The following BBS2 variants were observed in gnomAD, a reference collection of about 807,000 sequenced individuals.
The protein encoded by BBS2 is Bardet-Biedl syndrome 2, also known as BBSome complex member BBS2.
A neutral mutation model predicts 83.0 loss-of-function variants in BBS2; 62 were observed. The observed-to-expected ratio is 0.75, with a 90% CI of 0.61 to 0.92. BBS2 has a LOEUF of 0.92. Ranked by LOEUF, BBS2 falls within the 40% of genes least tolerant of loss-of-function variation. The pLI is 0.00. For missense variants in BBS2, 784 were observed against 901.0 expected (o/e 0.87, Z 1.66); for synonymous variants, 303 against 326.1 (o/e 0.93, Z 0.76).
intron 14 of BBS2, 62 bp downstream of exon 14, chr16:56,497,681 A>T: frequency 6.3e-7 from 1 of 1,593,966 alleles, no homozygotes; most frequent in Non-Finnish European, 8.6e-7. Flanking sequence ...TAGTACCATT[A>T]ATCTCCTCAA....
chr16:56,513,550 C>A (rs1453206518), intron 2 of BBS2, among the ~76,000 whole-genome samples: 1 of 152,198 alleles, frequency 6.6e-6, no homozygotes, highest in African/African-American at 2.4e-5. Flanking sequence ...CAACATGGAT[C>A]AACCTTGAAA....
intron 1 of BBS2, among the ~76,000 whole-genome samples, chr16:56,519,343 A>C (rs1386653318): frequency 2.6e-5 from 4 of 151,690 alleles, no homozygotes; most frequent in African/African-American, 9.7e-5. Flanking sequence ...AAAAAAAAAA[A>C]AAAAAAGGAA....
At chr16:56,501,543 A>T in intron 9 of BBS2, 46 bp from the exon 10 acceptor site, 1 of 1,613,130 alleles carries the variant, frequency 6.2e-7, no homozygotes, top group Non-Finnish European at 8.5e-7. Flanking sequence ...CAAAACACTG[A>T]ACTAATATCA....
chr16:56,499,982 A>G (rs776615653), intron 11 of BBS2, 75 bp from the exon 12 acceptor site: 23 of 1,573,040 alleles, frequency 1.5e-5, no homozygotes, highest in Non-Finnish European at 2.0e-5. Flanking sequence ...CCCAGAAAAT[A>G]AAGCCACTTC....
At chr16:56,499,686 T>A in intron 12 of BBS2, 92 bp downstream of exon 12, 2 of 1,549,144 alleles carry the variant, frequency 1.3e-6, no homozygotes, top group Non-Finnish European at 1.8e-6. Context: ...GCTACCAATA[T>A]AACACATTAA....
At chr16:56,485,911 A>T (rs1198492618) in intron 15 of BBS2, among the ~76,000 whole-genome samples, 173 bp from the exon 16 acceptor site, 1 of 152,238 alleles carries the variant, frequency 6.6e-6, no homozygotes, top group Non-Finnish European at 1.5e-5. Flanking sequence ...CCATAAAAAT[A>T]TTCTTTTCCT....
intron 15 of BBS2, among the ~76,000 whole-genome samples, chr16:56,492,264 T>C (rs1434602719): frequency 6.6e-6 from 1 of 152,064 alleles, no homozygotes; most frequent in Admixed American, 6.6e-5. Flanking sequence ...AAAACATAAA[T>C]GTTCATCAAC....
chr16:56,491,553 A>T lies in BBS2; in HGVS notation c.1910+5414T>A, dbSNP rs1470888100. ...AGCTAAATCAACTTCTTTCCTTTAT[A>T]AATTACCCATTCTCGGGTATTCTGT... On this transcript the variant is annotated intron_variant, in intron 15 of 16. Coordinates refer to ENST00000245157, the MANE Select transcript of BBS2 (RefSeq NM_031885.5). 7.9e-4 allele frequency among the ~76,000 whole-genome samples: 120 copies of T among 152,198 alleles called. 1 individual carries two copies. The highest frequency in any genetic ancestry group is 5.9e-5 in the Non-Finnish European group (4 of 68,016).
chr16:56,503,981 TA>T (rs1465963604), intron 7 of BBS2, among the ~76,000 whole-genome samples: 7 of 151,844 alleles, frequency 4.6e-5, no homozygotes, highest in African/African-American at 1.7e-4. Flanking sequence ...AACAAAAGGC[TA>T]GCTACAGAAA....
At chr16:56,507,650 G>C (rs1212350556) in intron 5 of BBS2, among the ~76,000 whole-genome samples, 1 of 151,902 alleles carries the variant, frequency 6.6e-6, no homozygotes, top group African/African-American at 2.4e-5. Flanking sequence ...TCTTCAGAAA[G>C]CACATATAAG....
intron 17 of BBS2, chr16:56,475,033 T>C: frequency 7.0e-7 from 1 of 1,432,590 alleles, no homozygotes. Flanking sequence ...GCTGAACCAA[T>C]TCATAAGTAA....
At chr16:56,481,341 C>T (rs1963658808), downstream of BBS2, among the ~76,000 whole-genome samples, 1 of 151,966 alleles carries the variant, frequency 6.6e-6, no homozygotes, top group African/African-American at 2.4e-5. Flanking sequence ...ATGCAGACAC[C>T]ATTCTTGCTT....
At chr16:56,491,043 G>T (rs1162375766) in intron 15 of BBS2, among the ~76,000 whole-genome samples, 3 of 152,154 alleles carry the variant, frequency 2.0e-5, no homozygotes, top group Non-Finnish European at 4.4e-5. Flanking sequence ...TTACAGGCGT[G>T]AGCCACCGCG....
intron 15 of BBS2, among the ~76,000 whole-genome samples, chr16:56,486,316 A>G (rs1321011337): frequency 6.6e-6 from 1 of 152,240 alleles, no homozygotes; most frequent in African/African-American, 2.4e-5. Context: ...TTATAAAGTT[A>G]AACACACAAT....
rs1235136874 is a variant in BBS2, at chr16:56,502,605, T to G, written c.940+68A>C. ...TCGGTACAAATACTTCAGGTGAAATTTCCTGATATTTTGACCCAATCAAAT... is the reference window on the plus strand; with the variant it reads ...TCGGTACAAATACTTCAGGTGAAATGTCCTGATATTTTGACCCAATCAAAT... On this transcript the variant is annotated intron_variant, in intron 8 of 16. Transcript: ENST00000245157. The G allele has an allele frequency of 2.4e-5, 38 of 1,611,454 alleles. 1 individual carries two copies. In the East Asian group the frequency reaches 8.5e-4, roughly 36 times the overall value.
chr16:56,494,992 TTAA>T (rs1232731107), intron 15 of BBS2, among the ~76,000 whole-genome samples: 2 of 147,948 alleles, frequency 1.4e-5, no homozygotes, highest in African/African-American at 2.5e-5. Context: ...GCCATAAAAA[TTAA>T]TAATAACAGA....
intron 15 of BBS2, among the ~76,000 whole-genome samples, chr16:56,487,083 G>A (rs553525315): frequency 2.6e-5 from 4 of 151,948 alleles, no homozygotes; most frequent in South Asian, 2.1e-4. Context: ...CCTATATCTC[G>A]ATTGTAGTAG....
rs368138622 is a variant in BBS2 at position 56,501,388 on chromosome 16, G to C, written c.1190C>G (p.Thr397Ser). 7 of 1,614,016 alleles carry C rather than the reference G, an allele frequency of 4.3e-6. No homozygotes were observed. In the Middle Eastern group the frequency reaches 4.9e-4, roughly 114 times the overall value. ...LSVSLGNETQ[T>S]AHTELRISTS... ...GGAAATGCGTAATTCTGTATGAGCA[G>C]TTTGGGTCTCATTCCCCAGGCTGAC... The change falls in exon 10 of 17, where the codon ACT becomes AGT. Residue 397 changes from threonine to serine, a missense_variant. Physicochemically the swap from Thr to Ser is moderately conservative, Grantham distance 58. Transcript: ENST00000245157.
At chr16:56,507,170 G>A (rs1337408029) in intron 5 of BBS2, among the ~76,000 whole-genome samples, 2 of 152,106 alleles carry the variant, frequency 1.3e-5, no homozygotes, top group Non-Finnish European at 2.9e-5. Context: ...TTGCTGATCT[G>A]GGAAATGATA....
Sources: allele counts gnomAD v4.1 joint callset (sites outside exome capture counted in the v4.1 genomes callset), GRCh38; gene constraint gnomAD v4.1.1; transcripts MANE v1.5; gene names NCBI Gene and HGNC (gene_info 2026-07-23, HGNC 2026-07-21).